AKAP13: variants seen among roughly 807,000 people sequenced by gnomAD.
AKAP13 encodes the protein A-kinase anchor protein 13.
A neutral mutation model predicts 264.5 loss-of-function variants in AKAP13; 80 were observed. The ratio of observed to expected loss-of-function variants is 0.30; its 90% CI spans 0.25 to 0.36. AKAP13 has a LOEUF of 0.36. Ranked by LOEUF, AKAP13 falls within the 10% of genes least tolerant of loss-of-function variation. The pLI is 1.00. For synonymous variants in AKAP13, 1,380 were observed against 1,250.2 expected, an observed-to-expected ratio of 1.10 and a Z score of -2.19; for missense variants, 3,712 against 3,435.2, an observed-to-expected ratio of 1.08 and a Z score of -2.01.
chr15:85,559,431 T>C (rs2078277226), intron 5 of AKAP13, among the ~76,000 whole-genome samples: 2 of 152,102 alleles, frequency 1.3e-5, no homozygotes, highest in Non-Finnish European at 2.9e-5. Flanking sequence ...ATGTGATGGT[T>C]GAGGGGATGA....
chr15:85,678,262 C>A (rs572646981), intron 14 of AKAP13, among the ~76,000 whole-genome samples: 51 of 152,224 alleles, frequency 3.4e-4, no homozygotes, highest in Non-Finnish European at 6.5e-4. Flanking sequence ...AATTACCATA[C>A]CCATATGATT....
chr15:85,708,012 T>G lies in AKAP13; in HGVS notation c.5465-7T>G. 1 of 1,613,730 alleles carries G rather than the reference T, an allele frequency of 6.2e-7. No homozygotes were observed. Among genetic ancestry groups the G allele is most frequent in the Non-Finnish European group, 8.5e-7 (1 of 1,179,736 alleles). On this transcript the variant is annotated splice_region_variant and splice_polypyrimidine_tract_variant and intron_variant, in intron 17 of 36. Coordinates refer to ENST00000394518, the MANE Select transcript of AKAP13 (RefSeq NM_007200.5). The surrounding 1 kb of genome is among the most constrained non-coding windows in gnomAD (Gnocchi z 4.3). ...TCCATGTGACCTTGGGTTTGCTTTC[T>G]TTTCAGATTGCAGTGCTTTTGTCCA...
At position 85,514,404 on chromosome 15, in the gene AKAP13, T is replaced by C. The variant is rs996545961; in HGVS notation, c.34-7024T>C. On this transcript the variant is annotated intron_variant, in intron 2 of 36. Transcript: ENST00000394518. ...AAGCCACTTGAGTCTGGCTTCTGTG[T>C]CCTTAAGACATGGCCCCATCGTTTT... Among the ~76,000 whole-genome samples, 11 of 138,544 alleles carry C rather than the reference T, an allele frequency of 7.9e-5. 2 individuals are homozygous for C. The highest frequency in any genetic ancestry group is 3.2e-4 in the African/African-American group (11 of 34,352). The allele number at this position is 138,544 out of a possible 152,430, so 90.9% of individuals were successfully genotyped here. A position where few individuals can be genotyped will look rare whatever the true frequency, so the allele number is the denominator to read the frequency against.
chr15:85,436,995 C>A (rs1266634499), intron 1 of AKAP13, among the ~76,000 whole-genome samples: 3 of 148,606 alleles, frequency 2.0e-5, no homozygotes, highest in African/African-American at 7.4e-5. Flanking sequence ...GAAATAGAGA[C>A]ACAAAAAACC....
intron 4 of AKAP13, among the ~76,000 whole-genome samples, chr15:85,539,805 A>G (rs2077524731): frequency 6.6e-6 from 1 of 152,226 alleles, no homozygotes; most frequent in Admixed American, 6.5e-5. Flanking sequence ...TAAACAGGAT[A>G]ACCAGCCAAC....
chr15:85,645,847 G>C lies in AKAP13; in HGVS notation c.4267G>C (p.Gly1423Arg). The C allele has an allele frequency of 1.2e-6, 2 of 1,612,232 alleles. No individual in the cohort carries two copies. Among genetic ancestry groups the C allele is most frequent in the Non-Finnish European group, 1.7e-6 (2 of 1,179,620 alleles). ...TGAGAACTTCCTGGATGTTGGACTG[G>C]GCAGAGAGTGTACCTCAAAACAAGG... ...ECENFLDVGL[G>R]RECTSKQGVL... The change falls in exon 10 of 37, where the codon GGC (glycine) becomes CGC (arginine). Residue 1423 changes from glycine (G) to arginine (R), a missense_variant. Gly to Arg is a moderately radical substitution (Grantham distance 125). This residue lies in a region of AKAP13 where 2,759 missense variants were observed against 2,411.7 expected (regional missense o/e 1.14). Transcript: ENST00000394518.
At chr15:85,630,461 G>T (rs1477349590) in intron 8 of AKAP13, among the ~76,000 whole-genome samples, 2 of 152,166 alleles carry the variant, frequency 1.3e-5, no homozygotes, top group Non-Finnish European at 2.9e-5. Flanking sequence ...TGTCTACTAT[G>T]CAAGATGCTA....
At chr15:85,437,240 A>C (rs1344729745) in intron 1 of AKAP13, among the ~76,000 whole-genome samples, 1 of 150,010 alleles carries the variant, frequency 6.7e-6, no homozygotes, top group African/African-American at 2.4e-5. Flanking sequence ...TAAATTCCTC[A>C]ACACATACAC....
chr15:85,730,808 T>C (rs927100721), intron 30 of AKAP13, 101 bp downstream of exon 30: 2 of 1,048,612 alleles, frequency 1.9e-6, no homozygotes, highest in African/African-American at 1.6e-5. Context: ...AAAGCACAAA[T>C]GCAGAAAATT....
In AKAP13 at chr15:85,555,760, G is replaced by A. The variant is rs369273170; in HGVS notation, c.662+11805G>A. ...CTGATTGGTTGTTGATTATTGCATG[G>A]CAGGTAGAATGCTAGAAAATTAGTT... is the stretch of plus-strand genomic sequence containing the variant. On this transcript the variant is annotated intron_variant, in intron 5 of 36. Coordinates refer to ENST00000394518, the MANE Select transcript of AKAP13 (RefSeq NM_007200.5). Among the ~76,000 whole-genome samples the A allele has an allele frequency of 3.9e-5, 6 of 152,176 alleles. No individual in the cohort carries two copies. The East Asian group carries it at 9.6e-4, about 24-fold the overall frequency.
chr15:85,602,554 T>A (rs148763893), intron 8 of AKAP13, among the ~76,000 whole-genome samples: 2 of 152,064 alleles, frequency 1.3e-5, no homozygotes, highest in African/African-American at 4.8e-5. Flanking sequence ...TGGTGCAGTC[T>A]TGGCTCACTG....
intron 2 of AKAP13, among the ~76,000 whole-genome samples, chr15:85,500,254 G>A (rs2170735): frequency 0.49 from 74,649 of 151,884 alleles, 19,094 homozygotes; most frequent in Middle Eastern, 0.61. Flanking sequence ...GTGAAAAACC[G>A]GATTTCAACC....
intron 29 of AKAP13, 25 bp from the exon 30 acceptor site, chr15:85,730,486 TCA>T: frequency 6.2e-7 from 1 of 1,608,766 alleles, no homozygotes; most frequent in Admixed American, 1.7e-5. Context: ...ACCAATCAAA[TCA>T]CAGATCATTT....
chr15:85,381,487 T>A, intron 1 of AKAP13, among the ~76,000 whole-genome samples: 2 of 71,550 alleles, frequency 2.8e-5, no homozygotes. Context: ...CAAACAAAAC[T>A]TTTTTTTTTT....
rs374813625 is a variant in AKAP13, at chr15:85,475,253, C to T, written c.-11-10457C>T. On this transcript the variant is annotated intron_variant, in intron 1 of 36. Transcript: ENST00000394518. ...TAAATTTAAAGTTTATTCTTATTAC[C>T]GTAGGGATAGGAATGTCAGCACTCA... Among the ~76,000 whole-genome samples, 8 of 152,224 alleles carry T rather than the reference C, an allele frequency of 5.3e-5. No homozygotes were observed. In the South Asian group the frequency reaches 1.5e-3, roughly 28 times the overall value.
intron 2 of AKAP13, among the ~76,000 whole-genome samples, chr15:85,513,211 G>A (rs1271283486): frequency 1.3e-5 from 2 of 152,094 alleles, no homozygotes; most frequent in Admixed American, 6.5e-5. Flanking sequence ...TGTGAGCATG[G>A]ACAGGCTCCA....
At chr15:85,685,746 G>T (rs1179038963) in intron 16 of AKAP13, among the ~76,000 whole-genome samples, 1 of 152,088 alleles carries the variant, frequency 6.6e-6, no homozygotes, top group East Asian at 1.9e-4. Context: ...CTCGCTGCAG[G>T]CTTCCGAAGC....
intron 30 of AKAP13, 124 bp downstream of exon 30, chr15:85,730,831 T>G: frequency 1.2e-6 from 1 of 816,538 alleles, no homozygotes; most frequent in South Asian, 1.9e-5. Context: ...CCAAAACAAA[T>G]ATTTCACTAT....
At chr15:85,454,825 C>T (rs1021916211) in intron 1 of AKAP13, among the ~76,000 whole-genome samples, 12 of 152,254 alleles carry the variant, frequency 7.9e-5, no homozygotes, top group South Asian at 2.1e-4. Context: ...ACCCAAATTT[C>T]GTAACTGTTT....
Sources: allele counts gnomAD v4.1 joint callset (sites outside exome capture counted in the v4.1 genomes callset), GRCh38; gene constraint gnomAD v4.1.1; regional missense constraint gnomAD v4.1.1; non-coding constraint Gnocchi (gnomAD v3.1); transcripts MANE v1.5; gene names NCBI Gene and HGNC (gene_info 2026-07-23, HGNC 2026-07-21).